ELN: variants seen among roughly 807,000 people sequenced by gnomAD.
The protein encoded by ELN is elastin, also known as tropoelastin.
In ELN, 65 loss-of-function variants were observed where a neutral mutation model predicts 105.8. That is an observed-to-expected ratio of 0.61 (90% CI 0.50 to 0.75). The LOEUF (loss-of-function observed/expected upper bound fraction) is 0.75. Among genes scored for constraint, ELN ranks in the 30% least tolerant of loss-of-function variants. ELN has a pLI of 0.00. For synonymous variants in ELN, 368 were observed against 389.2 expected, an observed-to-expected ratio of 0.95 and a Z score of 0.64; for missense variants, 882 against 969.4, an observed-to-expected ratio of 0.91 and a Z score of 1.20.
Position 74,056,723 on chromosome 7 carries a change from C to T in ELN, c.1357+10C>T. On this transcript the variant is annotated intron_variant, in intron 21 of 32. Coordinates refer to ENST00000252034, the MANE Select transcript of ELN (RefSeq NM_000501.4). ...AAGGCTGCCAAGTACGGTAAGTGCC[C>T]CTGCCCTGCCTGTCCCCAAGTCCTG... is the stretch of plus-strand genomic sequence containing the variant. 2 of 1,613,748 alleles carry T rather than the reference C, an allele frequency of 1.2e-6. No homozygotes were observed. The highest frequency in any genetic ancestry group is 1.1e-5 in the South Asian group (1 of 91,080).
chr7:74,066,573 AT>A (rs1213910458), intron 31 of ELN, among the ~76,000 whole-genome samples, 158 bp from the exon 32 acceptor site: 3 of 152,156 alleles, frequency 2.0e-5, no homozygotes, highest in Non-Finnish European at 2.9e-5. Context: ...TCTCAAAAAA[AT>A]AATAATAAAA....
chr7:74,054,708 C>T lies in ELN; in HGVS notation c.1097-8C>T. ...CCTGAGCATTTGTGTCCCTTTTGGT[C>T]TCTCCAGGGGTTGTGTCACCAGAAG... is the stretch of plus-strand genomic sequence containing the variant. On this transcript the variant is annotated splice_region_variant and splice_polypyrimidine_tract_variant and intron_variant, in intron 18 of 32. Coordinates refer to ENST00000252034, the MANE Select transcript of ELN (RefSeq NM_000501.4). The T allele has an allele frequency of 1.2e-6, 2 of 1,614,182 alleles. No homozygotes were observed. Among genetic ancestry groups the T allele is most frequent in the Non-Finnish European group, 1.7e-6 (2 of 1,180,014 alleles).
chr7:74,059,062 A>G (rs1198774213), intron 22 of ELN, among the ~76,000 whole-genome samples: 2 of 151,968 alleles, frequency 1.3e-5, no homozygotes, highest in Non-Finnish European at 2.9e-5. Flanking sequence ...CTGGGGCTAC[A>G]GTCACATGCC....
At chr7:74,052,899 A>C (rs1794407439) in intron 17 of ELN, 1 of 535,584 alleles carries the variant, frequency 1.9e-6, no homozygotes, top group African/African-American at 1.9e-5. Flanking sequence ...GAAAGAAAGA[A>C]AGAAAGAGAA....
At chr7:74,057,757 C>G in intron 22 of ELN, 61 bp downstream of exon 22, 6 of 1,594,206 alleles carry the variant, frequency 3.8e-6, no homozygotes, top group Non-Finnish European at 5.2e-6. Context: ...GTGCCCTGCT[C>G]TGGGGTCTGA....
chr7:74,035,255 TG>T, intron 1 of ELN, 108 bp from the exon 2 acceptor site: 2 of 1,036,050 alleles, frequency 1.9e-6, no homozygotes, highest in South Asian at 1.3e-5. Context: ...CTTGTTTCCA[TG>T]TAATTGTGGG....
intron 11 of ELN, 98 bp downstream of exon 11, chr7:74,046,315 A>C (rs1554672168): frequency 6.5e-7 from 1 of 1,550,332 alleles, no homozygotes; most frequent in East Asian, 2.2e-5. Flanking sequence ...AAGCCTGCCC[A>C]ATTTCTCCCA....
At chr7:74,046,461 C>A (rs962101567) in intron 11 of ELN, among the ~76,000 whole-genome samples, 5 of 152,248 alleles carry the variant, frequency 3.3e-5, no homozygotes, top group Non-Finnish European at 7.3e-5. Flanking sequence ...GGGCTGCAGG[C>A]CCAAACTGGG....
Position 74,043,149 on chromosome 7 carries a change from G to A in ELN, c.408G>A (p.Val136=), listed in dbSNP as rs1446520756. 6.2e-7 allele frequency: 1 copy of A among 1,606,988 alleles called. No homozygotes were observed. The highest frequency in any genetic ancestry group is 8.5e-7 in the Non-Finnish European group (1 of 1,176,534). ...TGGTTCCTCAGCCTGGAGCCGGAGTGAAGCCTGGGAAAGTGCCGGGTCAGT... is the reference window on the plus strand; with the variant it reads ...TGGTTCCTCAGCCTGGAGCCGGAGTAAAGCCTGGGAAAGTGCCGGGTCAGT... ...GAVVPQPGAG[V]KPGKVPGVGL... Residue 136 remains valine (V), a synonymous_variant, in exon 8 of 33, where the codon GTG becomes GTA. Coordinates refer to ENST00000252034, the MANE Select transcript of ELN (RefSeq NM_000501.4).
chr7:74,057,667 C>A lies in ELN; in HGVS notation c.1385C>A (p.Ala462Asp), dbSNP rs782051201. ...GTGGGGACCCCAGCAGCTGCAGCTG[C>A]TAAAGCAGCCGCCAAAGCCGCCCAG... ...YGVGTPAAAA[A>D]KAAAKAAQFG... The change falls in exon 22 of 33, where the codon GCT becomes GAT. Residue 462 changes from alanine to aspartate, a missense_variant. Coordinates refer to ENST00000252034, the MANE Select transcript of ELN (RefSeq NM_000501.4). The A allele has an allele frequency of 1.4e-5, 22 of 1,613,682 alleles. No homozygotes were observed. The highest frequency in any genetic ancestry group is 1.9e-5 in the Non-Finnish European group (22 of 1,180,026).
At chr7:74,064,069 T>C (rs1035091886) in intron 29 of ELN, among the ~76,000 whole-genome samples, 7 of 149,282 alleles carry the variant, frequency 4.7e-5, no homozygotes, top group South Asian at 4.3e-4. Context: ...TACCACTGCA[T>C]TCCAGCTTGG....
intron 13 of ELN, 110 bp downstream of exon 13, chr7:74,047,826 G>A (rs1792926787): frequency 5.3e-6 from 8 of 1,506,638 alleles, no homozygotes; most frequent in Non-Finnish European, 7.4e-6. Context: ...CGCTGGGGCA[G>A]GGTTGGGGTC....
Position 74,057,676 on chromosome 7 carries a change from C to T in ELN, c.1394C>T (p.Ala465Val). 1 of 1,613,680 alleles carries T rather than the reference C, an allele frequency of 6.2e-7. No individual in the cohort carries two copies. The highest frequency in any genetic ancestry group is 8.5e-7 in the Non-Finnish European group (1 of 1,180,012). The change falls in exon 22 of 33, where the codon GCC (alanine) becomes GTC (valine). Residue 465 changes from alanine to valine, a missense_variant. Ala to Val is a moderately conservative substitution (Grantham distance 64). Coordinates refer to ENST00000252034, the MANE Select transcript of ELN (RefSeq NM_000501.4). Reference protein sequence around the residue: ...GTPAAAAAKAAAKAAQFGLVP... With the variant: ...GTPAAAAAKAVAKAAQFGLVP... ...CCAGCAGCTGCAGCTGCTAAAGCAG[C>T]CGCCAAAGCCGCCCAGTTTGGTAAG...
At position 74,057,406 on chromosome 7, in the gene ELN, G is replaced by C. The variant is rs1011146056; in HGVS notation, c.1358-234G>C. ...GGTGCTGCAGGAGCAGGAGTGCTGG[G>C]TGGGCTAGTGCCAGGTGCCCCAGGC... On this transcript the variant is annotated intron_variant, in intron 21 of 32. Coordinates refer to ENST00000252034, the MANE Select transcript of ELN (RefSeq NM_000501.4). 3.0e-5 allele frequency: 45 copies of C among 1,511,400 alleles called. No homozygotes were observed. In the Admixed American group the frequency reaches 4.8e-4, roughly 16 times the overall value. The allele number at this position is 1,511,400 out of a possible 1,614,324, so 93.6% of individuals were successfully genotyped here. A position where few individuals can be genotyped will look rare whatever the true frequency, so the allele number is the denominator to read the frequency against.
chr7:74,036,658 C>A, intron 3 of ELN, 74 bp downstream of exon 3: 2 of 1,605,358 alleles, frequency 1.2e-6, no homozygotes, highest in Non-Finnish European at 1.7e-6. Context: ...ATCCTCAGAC[C>A]TGAGAACCCT....
intron 17 of ELN, 60 bp from the exon 18 acceptor site, chr7:74,053,103 A>ACCC: frequency 6.2e-7 from 1 of 1,612,956 alleles, no homozygotes; most frequent in Non-Finnish European, 8.5e-7. Context: ...TCTACTAACC[A>ACCC]CCCTTCTAGC....
At chr7:74,049,535 A>T (rs1793409265) in intron 15 of ELN, among the ~76,000 whole-genome samples, 1 of 150,878 alleles carries the variant, frequency 6.6e-6, no homozygotes, top group South Asian at 2.1e-4. Flanking sequence ...TCCTCCATGC[A>T]TCCATCTATC....
At chr7:74,034,545 A>C (rs1789478349) in intron 1 of ELN, among the ~76,000 whole-genome samples, 1 of 152,056 alleles carries the variant, frequency 6.6e-6, no homozygotes, top group African/African-American at 2.4e-5. Flanking sequence ...CCATCTTTAC[A>C]AAAAAATCAA....
intron 10 of ELN, 185 bp from the exon 11 acceptor site, chr7:74,046,003 C>T (rs1792409748): frequency 5.2e-6 from 4 of 763,516 alleles, no homozygotes; most frequent in Non-Finnish European, 4.2e-6. Context: ...CCATTCCACC[C>T]CAGCCTGGGC....
Sources: allele counts gnomAD v4.1 joint callset (sites outside exome capture counted in the v4.1 genomes callset), GRCh38; gene constraint gnomAD v4.1.1; transcripts MANE v1.5; gene names NCBI Gene and HGNC (gene_info 2026-07-23, HGNC 2026-07-21).